Variants in KIF4A observed in about 807,000 individuals in gnomAD.
KIF4A encodes the protein kinesin family member 4A.
A neutral mutation model predicts 105.9 loss-of-function variants in KIF4A; 7 were observed. The observed-to-expected ratio is 0.07, with a 90% CI of 0.04 to 0.12. The LOEUF (loss-of-function observed/expected upper bound fraction) is 0.12. KIF4A is among the 10% of genes least tolerant of loss of function. The probability of loss-of-function intolerance (pLI) is 1.00; values close to 1 mark genes in which losing one functional copy is unlikely to be tolerated. For synonymous variants in KIF4A, 281 were observed against 331.3 expected (o/e 0.85, Z 1.65); for missense variants, 558 against 929.2 (o/e 0.60, Z 5.19).
intron 15 of KIF4A, among the ~76,000 whole-genome samples, chrX:70,363,597 G>C (rs1477696647): frequency 9.0e-6 from 1 of 111,150 alleles, no homozygotes; most frequent in African/African-American, 3.3e-5. Context: ...TGGCTACATA[G>C]TCCATGCTGT....
At chrX:70,340,469 C>T (rs1311660042) in intron 10 of KIF4A, among the ~76,000 whole-genome samples, 5 of 111,894 alleles carry the variant, frequency 4.5e-5, no homozygotes, top group Non-Finnish European at 9.4e-5. Flanking sequence ...AAAAAACTAT[C>T]GAGTTAAAAG....
intron 13 of KIF4A, among the ~76,000 whole-genome samples, chrX:70,350,740 G>C (rs999001262): frequency 2.7e-5 from 3 of 112,037 alleles, no homozygotes; most frequent in Non-Finnish European, 5.6e-5. Context: ...GGTACTAAAA[G>C]TTAAGTTTCA....
In KIF4A at chrX:70,348,342, GTTTTTTGT is replaced by G. The variant is rs2086002702; in HGVS notation, c.1432-4243_1432-4236del. Among the ~76,000 whole-genome samples the G allele has an allele frequency of 2.7e-5, 3 of 111,472 alleles. No individual in the cohort carries two copies. In the Admixed American group the frequency reaches 2.8e-4, roughly 11 times the overall value. On this transcript the variant is annotated intron_variant, in intron 13 of 30. Transcript: ENST00000374403. ...ATAGTGAGACCCTGTCTACAAAAAA[GTTTTTTGT>G]TTTTTTGTTTTTTTTAGTATTTATT... is the stretch of plus-strand genomic sequence containing the variant.
chrX:70,373,524 G>GTGTATA (rs1426172758), intron 15 of KIF4A, among the ~76,000 whole-genome samples: 1 of 5,895 alleles, frequency 1.7e-4, no homozygotes, highest in Non-Finnish European at 2.4e-4. Flanking sequence ...GTGTGTGTAT[G>GTGTATA]TATATATATA....
intron 4 of KIF4A, among the ~76,000 whole-genome samples, chrX:70,297,579 C>T (rs1479061523): frequency 8.9e-6 from 1 of 111,977 alleles, no homozygotes; most frequent in Non-Finnish European, 1.9e-5. Flanking sequence ...GCTGTATAAG[C>T]GGTGATAGAG....
chrX:70,333,453 A>G (rs891519157), intron 9 of KIF4A, among the ~76,000 whole-genome samples, 175 bp from the exon 10 acceptor site: 2 of 112,233 alleles, frequency 1.8e-5, no homozygotes, highest in African/African-American at 3.2e-5. Flanking sequence ...TCCTGTTATC[A>G]TTGGATCATC....
At chrX:70,299,393 G>A (rs1301986194) in intron 5 of KIF4A, among the ~76,000 whole-genome samples, 191 bp downstream of exon 5, 1 of 110,419 alleles carries the variant, frequency 9.1e-6, no homozygotes, top group Non-Finnish European at 1.9e-5. Context: ...AAGGAAAGAC[G>A]CATGTTCAGT....
chrX:70,302,224 A>AG lies in KIF4A; in HGVS notation c.684-79dup, dbSNP rs1204040804. On this transcript the variant is annotated intron_variant, in intron 6 of 30. Transcript: ENST00000374403. ...TTTGACTGACTTGAAAGAAAATGAG[A>AG]GCTGACAGGTCAGCTTTGATATTCA... 6.8e-5 allele frequency: 77 copies of AG among 1,124,478 alleles called. No homozygotes were observed. In the African/African-American group the frequency reaches 8.1e-4, roughly 12 times the overall value. The allele number at this position is 1,124,478 out of a possible 1,213,427, so 92.7% of individuals were successfully genotyped here.
chrX:70,352,808 A>C, intron 14 of KIF4A, 152 bp downstream of exon 14: 1 of 418,918 alleles, frequency 2.4e-6, no homozygotes, highest in East Asian at 3.8e-5. Flanking sequence ...TCTCAGCTTC[A>C]TAAAATCCCT....
chrX:70,414,947 C>T (rs2086337283), intron 28 of KIF4A, among the ~76,000 whole-genome samples: 1 of 112,032 alleles, frequency 8.9e-6, no homozygotes. Context: ...CTTTCTTCTA[C>T]GATTTTTCTT....
chrX:70,419,396 G>A (rs1003351625), intron 29 of KIF4A, among the ~76,000 whole-genome samples: 2 of 112,156 alleles, frequency 1.8e-5, no homozygotes, highest in Non-Finnish European at 3.8e-5. Flanking sequence ...ACCGAGGCTT[G>A]TCTTTGCTTT....
intron 13 of KIF4A, among the ~76,000 whole-genome samples, chrX:70,349,464 G>A (rs368544813): frequency 0.02 from 1,976 of 99,924 alleles, 21 homozygotes; most frequent in East Asian, 0.037. Context: ...CTGACGGGGC[G>A]GCCGGGCAGA....
chrX:70,365,044 G>C (rs915176161), intron 15 of KIF4A, among the ~76,000 whole-genome samples: 7 of 111,334 alleles, frequency 6.3e-5, no homozygotes, highest in Admixed American at 2.9e-4. Context: ...CTCTCTGTTT[G>C]TCTGTTATTG....
intron 18 of KIF4A, among the ~76,000 whole-genome samples, chrX:70,384,686 T>C (rs2086210522): frequency 9.0e-6 from 1 of 111,030 alleles, no homozygotes. Context: ...ATCGAGCCAC[T>C]GCACTACAGC....
At chrX:70,397,185 A>G (rs2086262813) in intron 22 of KIF4A, among the ~76,000 whole-genome samples, 1 of 110,760 alleles carries the variant, frequency 9.0e-6, no homozygotes, top group Non-Finnish European at 1.9e-5. Context: ...CCTGGCTAAC[A>G]CAGTGAAACC....
chrX:70,351,155 T>G (rs1351321352), intron 13 of KIF4A, among the ~76,000 whole-genome samples: 1 of 112,055 alleles, frequency 8.9e-6, no homozygotes, highest in Non-Finnish European at 1.9e-5. Flanking sequence ...TTTTTTCTTT[T>G]TTTCTATTTT....
chrX:70,328,358 A>G (rs2085918341), intron 7 of KIF4A, among the ~76,000 whole-genome samples: 1 of 110,674 alleles, frequency 9.0e-6, no homozygotes, highest in African/African-American at 3.3e-5. Flanking sequence ...AAGGGGCAGA[A>G]GGGCAAAAGC....
chrX:70,362,747 G>A (rs2086081638), intron 15 of KIF4A, among the ~76,000 whole-genome samples: 1 of 110,673 alleles, frequency 9.0e-6, no homozygotes. Context: ...GGCCAGGCTG[G>A]TCTTGAACTC....
At chrX:70,398,800 G>A (rs754682916) in intron 22 of KIF4A, among the ~76,000 whole-genome samples, 1 of 111,797 alleles carries the variant, frequency 8.9e-6, no homozygotes, top group Non-Finnish European at 1.9e-5. Context: ...AGTGTGGGCC[G>A]CAGATTACTG....
Sources: allele counts gnomAD v4.1 joint callset (sites outside exome capture counted in the v4.1 genomes callset), GRCh38; gene constraint gnomAD v4.1.1; transcripts MANE v1.5; gene names NCBI Gene and HGNC (gene_info 2026-07-23, HGNC 2026-07-21).